Variants in C4orf51 observed in about 807,000 individuals in gnomAD.
The protein encoded by C4orf51 is uncharacterized protein C4orf51.
Under a neutral mutation model 25.2 loss-of-function variants are expected in C4orf51, and 25 were observed. That is an observed-to-expected ratio of 0.99 (90% CI 0.72 to 1.39). The LOEUF (loss-of-function observed/expected upper bound fraction) is 1.39. C4orf51 is among the 40% of genes most tolerant of loss of function. The probability of loss-of-function intolerance (pLI) is 0.00; values close to 1 mark genes in which losing one functional copy is unlikely to be tolerated. For missense variants in C4orf51, 252 were observed against 239.6 expected (o/e 1.05, Z -0.34); for synonymous variants, 100 against 84.5 (o/e 1.18, Z -1.01).
At chr4:145,783,620 C>T in the C4orf51 span, among the ~76,000 whole-genome samples, 4 of 152,364 alleles carry the variant, frequency 2.6e-5, no homozygotes, top group Middle Eastern at 3.4e-3. Flanking sequence ...GCCATGGAAG[C>T]GGCTTGGGTA....
At chr4:145,750,866 A>G (rs189296039) in intron 1 of C4orf51, among the ~76,000 whole-genome samples, 78 of 151,938 alleles carry the variant, frequency 5.1e-4, no homozygotes, top group African/African-American at 1.6e-3. Flanking sequence ...CTGACTATGT[A>G]TTTTCAAATA....
At chr4:145,722,722 G>A (rs1217522065) in intron 2 of C4orf51, among the ~76,000 whole-genome samples, 1 of 152,188 alleles carries the variant, frequency 6.6e-6, no homozygotes, top group Admixed American at 6.5e-5. Context: ...TGTACAGCAG[G>A]GGGTGTACAG....
chr4:145,787,464 G>GAAAAAA, the C4orf51 span, among the ~76,000 whole-genome samples: 2 of 83,208 alleles, frequency 2.4e-5, no homozygotes. Context: ...TCCGTCTCAG[G>GAAAAAA]AAAAAAAAAA....
intron 1 of C4orf51, among the ~76,000 whole-genome samples, chr4:145,768,890 A>AAAAAT (rs1553975847): frequency 1.3e-4 from 1 of 7,722 alleles, no homozygotes; most frequent in Non-Finnish European, 3.2e-4. Context: ...AAAAAAAAAA[A>AAAAAT]ATATATATAT....
At chr4:145,693,609 CCGGGCAG>C (rs1392113922) in intron 1 of C4orf51, among the ~76,000 whole-genome samples, 2 of 145,462 alleles carry the variant, frequency 1.4e-5, no homozygotes, top group African/African-American at 5.1e-5. Context: ...GTAGGGGCGG[CCGGGCAG>C]AGGCGCCCCT....
Position 145,732,521 on chromosome 4 carries a change from C to CG in C4orf51, c.571dup (p.Asp191GlyfsTer12). The stretch of plus-strand genomic sequence containing the variant: ...AGGATTCAGAAGCTGATCGATACTC[C>CG]GATTATGGCTGGGGAGGACCCTCAT... On this transcript the variant is annotated frameshift_variant, in exon 6 of 6. Transcript: ENST00000438731. LOFTEE classifies it low-confidence loss of function (END_TRUNC). The CG allele has an allele frequency of 6.2e-7, 1 of 1,610,972 alleles. No individual in the cohort carries two copies. Among genetic ancestry groups the CG allele is most frequent in the Non-Finnish European group, 8.5e-7 (1 of 1,178,888 alleles).
chr4:145,736,803 T>G (rs1289413821), downstream of C4orf51, among the ~76,000 whole-genome samples: 4 of 152,124 alleles, frequency 2.6e-5, no homozygotes, highest in South Asian at 2.1e-4. Context: ...AAAGTTCAAG[T>G]GAGAGATTCC....
the C4orf51 span, among the ~76,000 whole-genome samples, chr4:145,783,248 T>C: frequency 6.6e-6 from 1 of 152,218 alleles, no homozygotes; most frequent in Admixed American, 6.5e-5. Flanking sequence ...TATATATTTG[T>C]TGAATAAATG....
rs749257426 is a variant in C4orf51 at position 145,729,964 on chromosome 4, AT to A, written c.501del (p.Leu168PhefsTer55). ...CGACGAGGGAAAGGTGTCCTAAAGC[AT>A]GTAAGAATCTTTTTACTTGCCATGC... The part of the protein sequence containing the change: ...YSRRGKGVLK[H>X]LHGRCDSESK... On this transcript the variant is annotated frameshift_variant and splice_region_variant, in exon 5 of 6. Coordinates refer to ENST00000438731, the MANE Select transcript of C4orf51 (RefSeq NM_001080531.3). LOFTEE classifies it low-confidence loss of function (END_TRUNC). The A allele has an allele frequency of 7.3e-5, 117 of 1,613,722 alleles. No individual in the cohort carries two copies. Among genetic ancestry groups the A allele is most frequent in the Non-Finnish European group, 9.3e-5 (110 of 1,179,650 alleles).
intron 2 of C4orf51, among the ~76,000 whole-genome samples, chr4:145,704,897 A>G (rs1007893105): frequency 2.6e-5 from 4 of 152,204 alleles, no homozygotes; most frequent in African/African-American, 9.7e-5. Flanking sequence ...AGGGTGAAGC[A>G]GGTGACTTGA....
intron 2 of C4orf51, among the ~76,000 whole-genome samples, chr4:145,709,840 A>AC (rs1161003676): frequency 6.6e-6 from 1 of 152,050 alleles, no homozygotes; most frequent in Non-Finnish European, 1.5e-5. Context: ...GGTCTTTCCC[A>AC]CCCCTACAAG....
the C4orf51 span, among the ~76,000 whole-genome samples, chr4:145,776,319 G>C: frequency 2.0e-5 from 3 of 152,030 alleles, no homozygotes; most frequent in African/African-American, 4.8e-5. Context: ...AAATTAGTCA[G>C]GTGTGGTGGC....
chr4:145,732,425 T>G (rs1422861577), intron 5 of C4orf51, 28 bp from the exon 6 acceptor site: 2 of 1,457,990 alleles, frequency 1.4e-6, no homozygotes, highest in African/African-American at 2.8e-5. Context: ...GATGAGCGAG[T>G]GTTGACAACC....
chr4:145,690,430 G>A (rs941797483), intron 1 of C4orf51, among the ~76,000 whole-genome samples: 13 of 152,020 alleles, frequency 8.6e-5, no homozygotes, highest in Non-Finnish European at 1.6e-4. Context: ...GCGTGAACCC[G>A]GGAGGCAGAG....
intron 1 of C4orf51, among the ~76,000 whole-genome samples, chr4:145,690,398 G>A (rs184193295): frequency 8.1e-4 from 123 of 151,920 alleles, no homozygotes; most frequent in African/African-American, 2.7e-3. Flanking sequence ...CCAGCTACTC[G>A]GGAGGCTGAG....
At chr4:145,781,215 A>AAAAAAAAAAAAAAAAC in the C4orf51 span, among the ~76,000 whole-genome samples, 1 of 127,626 alleles carries the variant, frequency 7.8e-6, no homozygotes, top group Non-Finnish European at 1.6e-5. Context: ...AAAAAAAAAA[A>AAAAAAAAAAAAAAAAC]AAGAAAAAAA....
At chr4:145,760,071 GAGA>G (rs1219079249) in intron 1 of C4orf51, 1 of 152,232 alleles carries the variant, frequency 6.6e-6, no homozygotes, top group African/African-American at 2.4e-5. Flanking sequence ...TTCATCACCA[GAGA>G]AGATCTGAGC....
chr4:145,751,965 C>A (rs943218800), intron 1 of C4orf51, among the ~76,000 whole-genome samples: 7 of 152,212 alleles, frequency 4.6e-5, no homozygotes, highest in African/African-American at 1.7e-4. Flanking sequence ...CAGGTGACTG[C>A]TGATGTTCCC....
intron 2 of C4orf51, among the ~76,000 whole-genome samples, chr4:145,701,052 T>C (rs1730406175): frequency 6.6e-6 from 1 of 152,178 alleles, no homozygotes; most frequent in Non-Finnish European, 1.5e-5. Flanking sequence ...GCCCAGTTCA[T>C]GGCTCGTTCA....
Sources: gnomAD v4.1 joint callset for allele counts (sites outside exome capture counted in the v4.1 genomes callset) on GRCh38, gnomAD v4.1.1 for gene constraint, MANE v1.5 for transcripts, NCBI Gene and HGNC (gene_info 2026-07-23, HGNC 2026-07-21) for gene names.